MX1: variants seen among roughly 807,000 people sequenced by gnomAD.
MX1 encodes the protein interferon-induced GTP-binding protein Mx1.
A neutral mutation model predicts 66.4 loss-of-function variants in MX1; 66 were observed. The ratio of observed to expected loss-of-function variants is 0.99; its 90% CI spans 0.82 to 1.22. The LOEUF is 1.22. MX1 is among the 50% of genes most tolerant of loss of function. The pLI is 0.00. For missense variants in MX1, 787 were observed against 834.3 expected (o/e 0.94, Z 0.70); for synonymous variants, 311 against 318.1 (o/e 0.98, Z 0.24).
rs557068463 is a variant in MX1 at position 41,440,865 on chromosome 21, A to G, written c.592-22A>G. 1.2e-5 allele frequency: 19 copies of G among 1,614,068 alleles called. No homozygotes were observed. The East Asian group carries it at 3.8e-4, about 32-fold the overall frequency. On this transcript the variant is annotated intron_variant, in intron 8 of 16. Coordinates refer to ENST00000398598, the MANE Select transcript of MX1 (RefSeq NM_002462.5). ...CTTGCCTTTGCCATACTCACGAGTC[A>G]CCTCCTCTCATTTCCTTACAGATCA... is the stretch of plus-strand genomic sequence containing the variant.
In MX1 at chr21:41,427,738, C is replaced by G. The variant is rs548095225; in HGVS notation, c.-209-17C>G. The G allele has an allele frequency of 2.0e-5, 3 of 152,490 alleles. No homozygotes were observed. The East Asian group carries it at 5.8e-4, about 29-fold the overall frequency. 9.4% of individuals were successfully genotyped at this position (152,490 alleles called of 1,614,324 possible). A position where few individuals can be genotyped will look rare whatever the true frequency, so the allele number is the denominator to read the frequency against. On this transcript the variant is annotated splice_polypyrimidine_tract_variant and intron_variant, in intron 2 of 16. Transcript: ENST00000398598. ...ACCCCCTGACAACCCTGGATGCCAC[C>G]TTTACCCTCACTGCAGGAATTCTGT...
chr21:41,431,932 T>C (rs1338683336), intron 4 of MX1, 118 bp from the exon 5 acceptor site: 4 of 720,638 alleles, frequency 5.6e-6, no homozygotes, highest in Non-Finnish European at 7.1e-6. Context: ...GACATCACCA[T>C]GAACAACTAG....
At chr21:41,442,419 A>G (rs1459858433) in intron 10 of MX1, among the ~76,000 whole-genome samples, 1 of 152,206 alleles carries the variant, frequency 6.6e-6, no homozygotes, top group African/African-American at 2.4e-5. Flanking sequence ...CAAAATAGTT[A>G]AAGTTTAAAG....
chr21:41,443,839 T>TA lies in MX1; in HGVS notation c.982dup (p.Thr328AsnfsTer10), dbSNP rs770350826. ...CGGTTCCCTGCCTGGCAGAAAAACTTACCAGCGAGCTCATCACACATATCT... is the reference window on the plus strand; with the variant it reads ...CGGTTCCCTGCCTGGCAGAAAAACTTAACCAGCGAGCTCATCACACATATCT... On this transcript the variant is annotated frameshift_variant, in exon 11 of 17. Transcript: ENST00000398598. LOFTEE classifies it high-confidence loss of function. 8 of 1,614,234 alleles carry TA rather than the reference T, an allele frequency of 5.0e-6. No homozygotes were observed. The highest frequency in any genetic ancestry group is 2.2e-5 in the South Asian group (2 of 91,090).
chr21:41,435,694 A>C (rs2146150813), intron 5 of MX1, 143 bp from the exon 6 acceptor site: 16 of 899,644 alleles, frequency 1.8e-5, no homozygotes, highest in Non-Finnish European at 2.6e-5. Context: ...CAATCCAATT[A>C]CCTCCACCTG....
intron 4 of MX1, among the ~76,000 whole-genome samples, chr21:41,431,324 C>A (rs968103987): frequency 6.6e-6 from 1 of 152,128 alleles, no homozygotes; most frequent in African/African-American, 2.4e-5. Flanking sequence ...CTGTGCCCAG[C>A]CTTTAAATGT....
At chr21:41,439,479 G>A (rs1206007490) in intron 7 of MX1, among the ~76,000 whole-genome samples, 1 of 152,164 alleles carries the variant, frequency 6.6e-6, no homozygotes, top group African/African-American at 2.4e-5. Context: ...GTTCTCACAA[G>A]GTCTCTCTAC....
chr21:41,430,099 G>A (rs1211928090), intron 3 of MX1, among the ~76,000 whole-genome samples: 1 of 152,078 alleles, frequency 6.6e-6, no homozygotes, highest in Non-Finnish European at 1.5e-5. Context: ...CCTGACATGG[G>A]CGTTTCTGTG....
intron 3 of MX1, chr21:41,429,870 T>A (rs1387886746): frequency 7.0e-6 from 1 of 142,108 alleles, no homozygotes; most frequent in East Asian, 2.1e-4. Flanking sequence ...ATTGCGCCAC[T>A]GCTCTCCAGC....
chr21:41,440,745 GT>G, intron 8 of MX1, 141 bp from the exon 9 acceptor site: 1 of 951,782 alleles, frequency 1.1e-6, no homozygotes, highest in Non-Finnish European at 1.7e-6. Context: ...GTGTTTGTGG[GT>G]TCATTTCTCC....
chr21:41,456,262 AAAAACAAAAC>A (rs1205977389), intron 16 of MX1, among the ~76,000 whole-genome samples: 6 of 152,186 alleles, frequency 3.9e-5, no homozygotes, highest in African/African-American at 4.8e-5. Flanking sequence ...CAAACAAACA[AAAAACAAAAC>A]AAAACAAAAA....
Position 41,441,711 on chromosome 21 carries a change from C to T in MX1, c.731-5C>T, listed in dbSNP as rs1481484259. Reference sequence around the variant, plus strand: ...GTTCTCTCCCCAAATACATCTGGCTCGCAGGAATCTTGACGAAGCCTGATC... The same window carrying T: ...GTTCTCTCCCCAAATACATCTGGCTTGCAGGAATCTTGACGAAGCCTGATC... On this transcript the variant is annotated splice_region_variant and splice_polypyrimidine_tract_variant and intron_variant, in intron 9 of 16. Coordinates refer to ENST00000398598, the MANE Select transcript of MX1 (RefSeq NM_002462.5). This position sits in a 1 kb window ranked among gnomAD's most constrained non-coding sequence, Gnocchi z 4.0. 10 of 1,613,966 alleles carry T rather than the reference C, an allele frequency of 6.2e-6. No homozygotes were observed. Among genetic ancestry groups the T allele is most frequent in the Middle Eastern group, 1.6e-4 (1 of 6,084 alleles).
chr21:41,437,464 C>T (rs2090396483), intron 7 of MX1, among the ~76,000 whole-genome samples: 1 of 139,288 alleles, frequency 7.2e-6, no homozygotes, highest in Admixed American at 7.0e-5. Context: ...CATAGTGAGA[C>T]CCCGTCTCTT....
rs1334959442 is a variant in MX1 at position 41,446,014 on chromosome 21, T to C, written c.1146T>C (p.Phe382=). Residue 382 remains phenylalanine (F), a synonymous_variant, in exon 13 of 17, where the codon TTT becomes TTC. Transcript: ENST00000398598. The stretch of plus-strand genomic sequence containing the variant: ...CTTCTTGACAGAAAGTTAATGCCTT[T>C]AATCAGGACATCACTGCTCTCATGC... ...MFFLIDKVNA[F]NQDITALMQG... is the part of the protein sequence containing the mutation. 6.2e-7 allele frequency: 1 copy of C among 1,613,974 alleles called. No homozygotes were observed. The highest frequency in any genetic ancestry group is 1.3e-5 in the African/African-American group (1 of 74,936).
rs1362640028 is a variant in MX1 at position 41,441,221 on chromosome 21, G to C, written c.730+196G>C. 1 of 775,524 alleles carries C rather than the reference G, an allele frequency of 1.3e-6. No individual in the cohort carries two copies. Among genetic ancestry groups the C allele is most frequent in the Admixed American group, 3.2e-5 (1 of 31,406 alleles). The allele number at this position is 775,524 out of a possible 1,614,324, so 48.0% of individuals were successfully genotyped here. A position where few individuals can be genotyped will look rare whatever the true frequency, so the allele number is the denominator to read the frequency against. ...CTCCAGTCTCCATGGGCTTTGCTCA[G>C]TGGGGACCTGCCTCCACTAAGACCT... On this transcript the variant is annotated intron_variant, in intron 9 of 16. Transcript: ENST00000398598. This position sits in a 1 kb window ranked among gnomAD's most constrained non-coding sequence, Gnocchi z 4.0.
At chr21:41,443,619 T>A (rs963172771) in intron 10 of MX1, 169 bp from the exon 11 acceptor site, 40 of 665,546 alleles carry the variant, frequency 6.0e-5, no homozygotes, top group Non-Finnish European at 9.9e-5. Context: ...TAAAATTCAG[T>A]CATAATCCTA....
chr21:41,431,830 C>T (rs2090221644), intron 4 of MX1: 1 of 482,074 alleles, frequency 2.1e-6, no homozygotes, highest in Non-Finnish European at 3.8e-6. Context: ...CTTTATCTGA[C>T]CTTGGCTTCT....
intron 14 of MX1, among the ~76,000 whole-genome samples, chr21:41,449,940 C>G (rs1171863718): frequency 6.6e-6 from 1 of 152,170 alleles, no homozygotes. Flanking sequence ...CTTGGTCTTT[C>G]TAGTGCCCGG....
At chr21:41,439,433 T>C (rs2090445414) in intron 7 of MX1, among the ~76,000 whole-genome samples, 1 of 152,210 alleles carries the variant, frequency 6.6e-6, no homozygotes, top group Non-Finnish European at 1.5e-5. Flanking sequence ...TCCGCCCAGC[T>C]TTGGACTGGT....
Sources: allele counts gnomAD v4.1 joint callset (sites outside exome capture counted in the v4.1 genomes callset), GRCh38; gene constraint gnomAD v4.1.1; non-coding constraint Gnocchi (gnomAD v3.1); transcripts MANE v1.5; gene names NCBI Gene and HGNC (gene_info 2026-07-23, HGNC 2026-07-21).